Variants in DOK1 observed in about 807,000 individuals in gnomAD.
DOK1 encodes the protein docking protein 1.
Under a neutral mutation model 24.0 loss-of-function variants are expected in DOK1, and 12 were observed. That is an observed-to-expected ratio of 0.50 (90% CI 0.32 to 0.81). The LOEUF is 0.81. Among genes scored for constraint, DOK1 ranks in the 30% least tolerant of loss-of-function variants. DOK1 has a pLI of 0.03. For synonymous variants in DOK1, 250 were observed against 260.9 expected, an observed-to-expected ratio of 0.96 and a Z score of 0.40; for missense variants, 591 against 620.7, an observed-to-expected ratio of 0.95 and a Z score of 0.51.
At position 74,556,550 on chromosome 2, in the gene DOK1, C is replaced by A; in HGVS notation, c.882C>A (p.Ala294=). The part of the protein sequence containing the change: ...GPQELLDSPP[A]LYAEPLDSLR... Reference sequence around the variant, plus strand: ...AAGAGCTCCTCGACAGTCCCCCAGCCCTGTATGCTGAGCCCTTAGACTCCC... The same window carrying A: ...AAGAGCTCCTCGACAGTCCCCCAGCACTGTATGCTGAGCCCTTAGACTCCC... The change falls in exon 5 of 5, where the codon GCC becomes GCA. Residue 294 remains alanine (A), a synonymous_variant. Transcript: ENST00000233668. The surrounding 1 kb of genome is among the most constrained non-coding windows in gnomAD (Gnocchi z 4.1). 1 of 1,614,220 alleles carries A rather than the reference C, an allele frequency of 6.2e-7. No individual in the cohort carries two copies. The highest frequency in any genetic ancestry group is 8.5e-7 in the Non-Finnish European group (1 of 1,180,044).
In DOK1 at chr2:74,555,110, C is replaced by T. The variant is rs1677331280; in HGVS notation, c.61-44C>T. On this transcript the variant is annotated intron_variant, in intron 1 of 4. Coordinates refer to ENST00000233668, the MANE Select transcript of DOK1 (RefSeq NM_001381.5). The surrounding 1 kb of genome is among the most constrained non-coding windows in gnomAD (Gnocchi z 6.1). ...CCTTCCCCGTCGGGACCCGGGCCGCCTGCGCACGCCACTCCCTCTCGAGCA... is the reference window on the plus strand; with the variant it reads ...CCTTCCCCGTCGGGACCCGGGCCGCTTGCGCACGCCACTCCCTCTCGAGCA... The T allele has an allele frequency of 6.4e-7, 1 of 1,570,874 alleles. No individual in the cohort carries two copies. The highest frequency in any genetic ancestry group is 8.6e-7 in the Non-Finnish European group (1 of 1,158,410).
chr2:74,555,344 C>G lies in DOK1; in HGVS notation c.251C>G (p.Pro84Arg). ...GTCACCGTGGAGACCCCCCCTGAGC[C>G]CGGCGCCACTGCCTTCCGCCTGGAC... is the stretch of plus-strand genomic sequence containing the variant. ...APVTVETPPE[P>R]GATAFRLDTA... Residue 84 changes from proline (P) to arginine (R), a missense_variant, in exon 2 of 5, where the codon CCC becomes CGC. Transcript: ENST00000233668. The surrounding 1 kb of genome is among the most constrained non-coding windows in gnomAD (Gnocchi z 6.1). 6.2e-7 allele frequency: 1 copy of G among 1,613,892 alleles called. No homozygotes were observed. The highest frequency in any genetic ancestry group is 2.2e-5 in the East Asian group (1 of 44,874).
In DOK1 at chr2:74,549,710, T is replaced by C; in HGVS notation, c.-358+538T>C. On this transcript the variant is annotated intron_variant, in intron 1 of 4. Transcript: ENST00000409429. This position sits in a 1 kb window ranked among gnomAD's most constrained non-coding sequence, Gnocchi z 5.3. Reference sequence around the variant, plus strand: ...TGGCGGGATGGGCCCGAGGCGGCGCTGAGAGAGCGGCCACGATGGCCGCAG... The same window carrying C: ...TGGCGGGATGGGCCCGAGGCGGCGCCGAGAGAGCGGCCACGATGGCCGCAG... The C allele has an allele frequency of 6.9e-7, 1 of 1,446,562 alleles. No individual in the cohort carries two copies. The highest frequency in any genetic ancestry group is 9.1e-7 in the Non-Finnish European group (1 of 1,097,122). 89.6% of individuals were successfully genotyped at this position (1,446,562 alleles called of 1,614,324 possible).
chr2:74,554,984 G>A lies in DOK1; in HGVS notation c.60+170G>A. The A allele has an allele frequency of 7.1e-7, 1 of 1,398,798 alleles. No individual in the cohort carries two copies. Among genetic ancestry groups the A allele is most frequent in the Non-Finnish European group, 9.8e-7 (1 of 1,017,438 alleles). The allele number at this position is 1,398,798 out of a possible 1,614,324, so 86.6% of individuals were successfully genotyped here. A position where few individuals can be genotyped will look rare whatever the true frequency, so the allele number is the denominator to read the frequency against. On this transcript the variant is annotated intron_variant, in intron 1 of 4. Coordinates refer to ENST00000233668, the MANE Select transcript of DOK1 (RefSeq NM_001381.5). This position sits in a 1 kb window ranked among gnomAD's most constrained non-coding sequence, Gnocchi z 4.9. The stretch of plus-strand genomic sequence containing the variant: ...TCCCGGGAAGCGTCTGTAGTCTAGG[G>A]GTTCTGGTCCTGGGGAGACGGAGTG...
upstream of DOK1, chr2:74,550,492 G>C (rs1158750963): frequency 4.6e-6 from 4 of 866,774 alleles, no homozygotes; most frequent in East Asian, 7.8e-5. Context: ...GTGGAGACGG[G>C]ACAGGGGACC....
upstream of DOK1, among the ~76,000 whole-genome samples, chr2:74,552,085 C>T (rs577439321): frequency 4.6e-5 from 7 of 152,230 alleles, no homozygotes; most frequent in Non-Finnish European, 1.0e-4. Context: ...AGAACTTAGA[C>T]ATCATCTAGT....
At position 74,554,899 on chromosome 2, in the gene DOK1, T is replaced by TGGAGAGCGGCGCC; in HGVS notation, c.60+88_60+100dup. 6.3e-7 allele frequency: 1 copy of TGGAGAGCGGCGCC among 1,581,440 alleles called. No individual in the cohort carries two copies. Among genetic ancestry groups the TGGAGAGCGGCGCC allele is most frequent in the East Asian group, 2.3e-5 (1 of 43,064 alleles). On this transcript the variant is annotated intron_variant, in intron 1 of 4. Coordinates refer to ENST00000233668, the MANE Select transcript of DOK1 (RefSeq NM_001381.5). The surrounding 1 kb of genome is among the most constrained non-coding windows in gnomAD (Gnocchi z 4.9). The stretch of plus-strand genomic sequence containing the variant: ...AAACAGGGAGAGGTGGGCAGCGGGC[T>TGGAGAGCGGCGCC]GGAGAGCGGCGCCGGGAGTTGGAGA...
chr2:74,556,409 T>A lies in DOK1; in HGVS notation c.741T>A (p.Thr247=). ...QGNDIFQAVE[T]AIHRQKAQGK... is the part of the protein sequence containing the mutation. Reference sequence around the variant, plus strand: ...ATGACATCTTCCAGGCAGTTGAGACTGCCATCCACCGGCAGAAGGCCCAGG... The same window carrying A: ...ATGACATCTTCCAGGCAGTTGAGACAGCCATCCACCGGCAGAAGGCCCAGG... The change falls in exon 5 of 5, where the codon ACT becomes ACA. Residue 247 remains threonine (T), a synonymous_variant. Transcript: ENST00000233668. The surrounding 1 kb of genome is among the most constrained non-coding windows in gnomAD (Gnocchi z 4.1). 3 of 1,614,132 alleles carry A rather than the reference T, an allele frequency of 1.9e-6. No homozygotes were observed. Among genetic ancestry groups the A allele is most frequent in the Non-Finnish European group, 2.5e-6 (3 of 1,180,034 alleles).
chr2:74,550,417 G>C (rs2104446138), upstream of DOK1: 1 of 1,529,302 alleles, frequency 6.5e-7, no homozygotes, highest in South Asian at 1.2e-5. Context: ...GGGGATGTAG[G>C]GAAGAGTGAG....
Position 74,556,679 on chromosome 2 carries a change from T to C in DOK1, c.1011T>C (p.Tyr337=), listed in dbSNP as rs371282935. The C allele has an allele frequency of 5.5e-5, 89 of 1,614,098 alleles. No individual in the cohort carries two copies. Among genetic ancestry groups the C allele is most frequent in the Middle Eastern group, 1.6e-4 (1 of 6,084 alleles). The change falls in exon 5 of 5, where the codon TAT becomes TAC. Residue 337 remains tyrosine, a synonymous_variant. Coordinates refer to ENST00000233668, the MANE Select transcript of DOK1 (RefSeq NM_001381.5). This position sits in a 1 kb window ranked among gnomAD's most constrained non-coding sequence, Gnocchi z 4.1. ...GAGTACAACGGAAGAAACCTCTCTA[T>C]TGGGACTTGTATGAGCATGCGCAGC... ...GEGVQRKKPL[Y]WDLYEHAQQQ...
At chr2:74,551,452 G>A (rs1677005305), upstream of DOK1, among the ~76,000 whole-genome samples, 1 of 152,148 alleles carries the variant, frequency 6.6e-6, no homozygotes, top group African/African-American at 2.4e-5. Context: ...CATTCCTTTG[G>A]TGCCAACCAG....
At position 74,556,702 on chromosome 2, in the gene DOK1, A is replaced by T. The variant is rs1677499400; in HGVS notation, c.1034A>T (p.Gln345Leu). 6.2e-7 allele frequency: 1 copy of T among 1,614,134 alleles called. No homozygotes were observed. Among genetic ancestry groups the T allele is most frequent in the African/African-American group, 1.3e-5 (1 of 74,940 alleles). ...TATTGGGACTTGTATGAGCATGCGC[A>T]GCAGCAGTTGCTGAAGGCCAAGCTG... ...PLYWDLYEHAQQQLLKAKLTD... is the reference protein window; with the variant it reads ...PLYWDLYEHALQQLLKAKLTD... Residue 345 changes from glutamine (Q) to leucine (L), a missense_variant, in exon 5 of 5, where the codon CAG becomes CTG. By Grantham distance (113) the Gln-to-Leu change is moderately radical. Transcript: ENST00000233668. The surrounding 1 kb of genome is among the most constrained non-coding windows in gnomAD (Gnocchi z 4.1).
chr2:74,549,121 C>T lies in DOK1; in HGVS notation c.-409C>T, dbSNP rs1262950319. On this transcript the variant is annotated 5_prime_UTR_variant, in exon 1 of 5. Transcript: ENST00000409429. This position sits in a 1 kb window ranked among gnomAD's most constrained non-coding sequence, Gnocchi z 5.3. ...CCCGGGGCCGAGGAATCCGCCTGCC[C>T]GCCCAGGCGTCGGCCACGAGAGAGC... 2 of 371,918 alleles carry T rather than the reference C, an allele frequency of 5.4e-6. No individual in the cohort carries two copies. The highest frequency in any genetic ancestry group is 9.5e-6 in the Non-Finnish European group (2 of 211,298). 23.0% of individuals were successfully genotyped at this position (371,918 alleles called of 1,614,324 possible).
At chr2:74,551,081 T>C (rs1676979042), upstream of DOK1, among the ~76,000 whole-genome samples, 1 of 152,198 alleles carries the variant, frequency 6.6e-6, no homozygotes, top group East Asian at 1.9e-4. Flanking sequence ...TACAAGCATG[T>C]GCCACCATAC....
In DOK1 at chr2:74,549,269, G is replaced by A; in HGVS notation, c.-358+97G>A. On this transcript the variant is annotated intron_variant, in intron 1 of 4. Coordinates refer to the DOK1 transcript ENST00000409429. This position sits in a 1 kb window ranked among gnomAD's most constrained non-coding sequence, Gnocchi z 5.3. ...TTTTCCCGCGCGTCCCGACCCCCGG[G>A]TCCTCCCGTGCCCCGGACCTGCTCA... is the stretch of plus-strand genomic sequence containing the variant. 7.5e-7 allele frequency: 1 copy of A among 1,330,454 alleles called. No individual in the cohort carries two copies. 82.4% of individuals were successfully genotyped at this position (1,330,454 alleles called of 1,614,324 possible).
chr2:74,555,091 C>A lies in DOK1; in HGVS notation c.61-63C>A. On this transcript the variant is annotated intron_variant, in intron 1 of 4. Coordinates refer to ENST00000233668, the MANE Select transcript of DOK1 (RefSeq NM_001381.5). The surrounding 1 kb of genome is among the most constrained non-coding windows in gnomAD (Gnocchi z 6.1). Reference sequence around the variant, plus strand: ...TCGACTTGCGCCGCAACCTCCTTCCCCGTCGGGACCCGGGCCGCCTGCGCA... The same window carrying A: ...TCGACTTGCGCCGCAACCTCCTTCCACGTCGGGACCCGGGCCGCCTGCGCA... 6.5e-7 allele frequency: 1 copy of A among 1,541,196 alleles called. No homozygotes were observed. The highest frequency in any genetic ancestry group is 8.7e-7 in the Non-Finnish European group (1 of 1,144,224).
rs1388525505 is a variant in DOK1, at chr2:74,555,349, G to C, written c.256G>C (p.Ala86Pro). 7 of 1,613,748 alleles carry C rather than the reference G, an allele frequency of 4.3e-6. No individual in the cohort carries two copies. The highest frequency in any genetic ancestry group is 5.9e-6 in the Non-Finnish European group (7 of 1,179,962). ...VTVETPPEPGATAFRLDTAQR... is the reference protein window; with the variant it reads ...VTVETPPEPGPTAFRLDTAQR... ...CGTGGAGACCCCCCCTGAGCCCGGC[G>C]CCACTGCCTTCCGCCTGGACACTGC... The change falls in exon 2 of 5, where the codon GCC becomes CCC. Residue 86 changes from alanine (A) to proline (P), a missense_variant. Transcript: ENST00000233668. This position sits in a 1 kb window ranked among gnomAD's most constrained non-coding sequence, Gnocchi z 6.1.
At position 74,557,034 on chromosome 2, in the gene DOK1, G is replaced by A. The variant is rs758234990; in HGVS notation, c.1366G>A (p.Gly456Arg). Reference protein sequence around the residue: ...SALYSQVQKSGASGSWDCGLS... With the variant: ...SALYSQVQKSRASGSWDCGLS... ...CCTGTACAGCCAGGTCCAGAAGAGC[G>A]GGGCCTCAGGGAGCTGGGACTGTGG... is the stretch of plus-strand genomic sequence containing the variant. The change falls in exon 5 of 5, where the codon GGG becomes AGG. Residue 456 changes from glycine (G) to arginine (R), a missense_variant. Coordinates refer to ENST00000233668, the MANE Select transcript of DOK1 (RefSeq NM_001381.5). The A allele has an allele frequency of 6.2e-6, 10 of 1,614,092 alleles. No individual in the cohort carries two copies. Among genetic ancestry groups the A allele is most frequent in the Admixed American group, 1.7e-5 (1 of 60,010 alleles).
At position 74,556,373 on chromosome 2, in the gene DOK1, G is replaced by A. The variant is rs78593056; in HGVS notation, c.705G>A (p.Thr235=). 2,093 of 1,613,954 alleles carry A rather than the reference G, an allele frequency of 1.3e-3. 22 individuals carry two copies. In the African/African-American group the frequency reaches 0.025, roughly 19 times the overall value. Residue 235 remains threonine (T), a synonymous_variant, in exon 5 of 5, where the codon ACG becomes ACA. Transcript: ENST00000233668. This position sits in a 1 kb window ranked among gnomAD's most constrained non-coding sequence, Gnocchi z 4.1. ...GCCCTGGAACCTTCACCTTCCAGAC[G>A]GCACAGGGAAATGACATCTTCCAGG... The part of the protein sequence containing the change: ...PSGPGTFTFQ[T]AQGNDIFQAV...
Sources: gnomAD v4.1 joint callset for allele counts (sites outside exome capture counted in the v4.1 genomes callset) on GRCh38, gnomAD v4.1.1 for gene constraint, Gnocchi (gnomAD v3.1) non-coding constraint, MANE v1.5 for transcripts, NCBI Gene and HGNC (gene_info 2026-07-23, HGNC 2026-07-21) for gene names.